The following MCTP1 variants were observed in gnomAD, a reference collection of about 807,000 sequenced individuals.
MCTP1 encodes multiple C2 and transmembrane domain containing 1, also known as multiple C2 and transmembrane domain-containing protein 1.
In MCTP1, 69 loss-of-function variants were observed where a neutral mutation model predicts 120.6. The ratio of observed to expected loss-of-function variants is 0.57; its 90% CI spans 0.47 to 0.70. The LOEUF is 0.70. Among genes scored for constraint, MCTP1 ranks in the 30% least tolerant of loss-of-function variants. The pLI, the probability that MCTP1 is intolerant of heterozygous loss-of-function variation, is 0.00. For synonymous variants in MCTP1, 529 were observed against 493.1 expected (o/e 1.07, Z -0.96); for missense variants, 1,203 against 1,248.8 (o/e 0.96, Z 0.55).
chr5:95,039,826 C>T (rs1370321275), intron 1 of MCTP1, among the ~76,000 whole-genome samples: 10 of 123,184 alleles, frequency 8.1e-5, no homozygotes, highest in African/African-American at 3.1e-4. Flanking sequence ...ATTCCAAAGA[C>T]ATTGCTAGAA....
At chr5:94,893,046 A>G (rs1803038336) in intron 11 of MCTP1, among the ~76,000 whole-genome samples, 1 of 152,230 alleles carries the variant, frequency 6.6e-6, no homozygotes. Context: ...ATATTTAAAC[A>G]TAGTTCATTT....
intron 19 of MCTP1, among the ~76,000 whole-genome samples, chr5:94,720,893 C>A (rs1684828266): frequency 6.6e-6 from 1 of 152,056 alleles, no homozygotes; most frequent in Admixed American, 6.5e-5. Context: ...TCTCATAATT[C>A]ATCCAATACT....
chr5:95,238,590 G>T (rs1450422491), intron 1 of MCTP1, among the ~76,000 whole-genome samples: 2 of 152,084 alleles, frequency 1.3e-5, no homozygotes, highest in African/African-American at 4.8e-5. Flanking sequence ...AGAGAGGTTG[G>T]ACCACAGGCA....
In MCTP1 at chr5:95,081,363, C is replaced by T. The variant is rs535556347; in HGVS notation, c.721-63879G>A. ...CATTTTTCTAAGGAACAATCATATA[C>T]CTAAACTGCCACATTAATTTAAGGC... On this transcript the variant is annotated intron_variant, in intron 1 of 22. Coordinates refer to ENST00000515393, the MANE Select transcript of MCTP1 (RefSeq NM_024717.7). 4.1e-5 allele frequency: 60 copies of T among 1,455,946 alleles called. No individual in the cohort carries two copies. The African/African-American group carries it at 7.9e-4, about 19-fold the overall frequency. 90.2% of individuals were successfully genotyped at this position (1,455,946 alleles called of 1,614,324 possible).
intron 1 of MCTP1, among the ~76,000 whole-genome samples, chr5:95,260,937 T>G (rs1228928576): frequency 6.6e-6 from 1 of 152,198 alleles, no homozygotes; most frequent in Non-Finnish European, 1.5e-5. Context: ...TTGGTTCAAT[T>G]CTTTGATTAC....
Position 94,940,086 on chromosome 5 carries a change from C to A in MCTP1, c.1171G>T (p.Val391Leu). The change falls in exon 5 of 23, where the codon GTG (valine) becomes TTG (leucine). Residue 391 changes from valine to leucine, a missense_variant and splice_region_variant. This residue lies in a region of MCTP1 where 740 missense variants were observed against 871.1 expected (regional missense o/e 0.85). Coordinates refer to ENST00000515393, the MANE Select transcript of MCTP1 (RefSeq NM_024717.7). Reference sequence around the variant, plus strand: ...TACTAGGCTGTGGGGGAACTTACCACATCCCTGGACTCTCCTTCTTTAGGG... The same window carrying A: ...TACTAGGCTGTGGGGGAACTTACCAAATCCCTGGACTCTCCTTCTTTAGGG... The part of the protein sequence containing the change: ...LTPKEGESRD[V>L]TMLMRKSWKR... 6.3e-7 allele frequency: 1 copy of A among 1,577,780 alleles called. No individual in the cohort carries two copies. Among genetic ancestry groups the A allele is most frequent in the East Asian group, 2.2e-5 (1 of 44,530 alleles).
chr5:94,738,163 C>G, intron 19 of MCTP1, among the ~76,000 whole-genome samples: 1 of 152,084 alleles, frequency 6.6e-6, no homozygotes, highest in South Asian at 2.1e-4. Flanking sequence ...TTATGGATAA[C>G]CCTCATCTTC....
chr5:94,846,533 G>GA (rs1341863000), intron 17 of MCTP1, among the ~76,000 whole-genome samples: 5 of 152,130 alleles, frequency 3.3e-5, no homozygotes, highest in Non-Finnish European at 7.4e-5. Context: ...GAAAGGATCA[G>GA]AAAAAATACC....
intron 17 of MCTP1, among the ~76,000 whole-genome samples, chr5:94,827,347 C>T (rs1787375346): frequency 6.6e-6 from 1 of 152,200 alleles, no homozygotes; most frequent in South Asian, 2.1e-4. Flanking sequence ...CACTGTTAGT[C>T]TGATAGGCTT....
Position 95,284,345 on chromosome 5 carries a change from C to T in MCTP1, c.231G>A (p.Arg77=), listed in dbSNP as rs912272567. 3.8e-6 allele frequency: 6 copies of T among 1,596,860 alleles called. No individual in the cohort carries two copies. Among genetic ancestry groups the T allele is most frequent in the Non-Finnish European group, 5.1e-6 (6 of 1,179,300 alleles). Reference sequence around the variant, plus strand: ...GCTTCCGCTTCTTGAAGCCGCTCCACCTGCTGCCTGCACCACTCCCCCTGG... The same window carrying T: ...GCTTCCGCTTCTTGAAGCCGCTCCATCTGCTGCCTGCACCACTCCCCCTGG... ...APARGSGAGS[R]WSGFKKRKQV... is the part of the protein sequence containing the mutation. Residue 77 remains arginine (R), a synonymous_variant, in exon 1 of 23, where the codon AGG becomes AGA. Transcript: ENST00000515393. The surrounding 1 kb of genome is among the most constrained non-coding windows in gnomAD (Gnocchi z 5.2).
At chr5:95,084,735 C>T (rs1411733224) in intron 1 of MCTP1, among the ~76,000 whole-genome samples, 1 of 152,078 alleles carries the variant, frequency 6.6e-6, no homozygotes, top group Non-Finnish European at 1.5e-5. Flanking sequence ...CTGAATTGGG[C>T]ATAACAATTG....
chr5:94,999,789 G>A (rs1329376018), intron 2 of MCTP1, among the ~76,000 whole-genome samples: 1 of 152,128 alleles, frequency 6.6e-6, no homozygotes, highest in Non-Finnish European at 1.5e-5. Flanking sequence ...ATGGCTTAAG[G>A]AGTCCCAGAC....
At chr5:95,223,462 TAAATA>T (rs779815514) in intron 1 of MCTP1, among the ~76,000 whole-genome samples, 37 of 151,828 alleles carry the variant, frequency 2.4e-4, no homozygotes, top group Non-Finnish European at 4.3e-4. Context: ...AAAACATAAA[TAAATA>T]AAATAAAATA....
At chr5:94,710,967 A>C in intron 20 of MCTP1, 40 bp from the exon 21 acceptor site, 1 of 1,358,370 alleles carries the variant, frequency 7.4e-7, no homozygotes, top group Non-Finnish European at 1.0e-6. Context: ...TGAGTACTTC[A>C]TACTTTTTTC....
At chr5:95,081,633 A>C in intron 1 of MCTP1, 1 of 1,340,846 alleles carries the variant, frequency 7.5e-7, no homozygotes, top group Non-Finnish European at 9.6e-7. Flanking sequence ...TCTGCACAGC[A>C]GCGACTTGGA....
At chr5:94,910,188 G>GAATA (rs1561843212) in intron 9 of MCTP1, among the ~76,000 whole-genome samples, 1 of 145,654 alleles carries the variant, frequency 6.9e-6, no homozygotes, top group Non-Finnish European at 1.5e-5. Context: ...ATGTATGTGT[G>GAATA]CATACATATA....
chr5:94,814,251 ATAAAAAGTGCTAAACT>A (rs1424522152), intron 17 of MCTP1, among the ~76,000 whole-genome samples: 1 of 152,238 alleles, frequency 6.6e-6, no homozygotes, highest in Non-Finnish European at 1.5e-5. Flanking sequence ...AAATAAATAA[ATAAAAAGTGCTAAACT>A]TTTGTGGGGG....
rs1753973836 is a variant in MCTP1, at chr5:94,703,871, T to G, written c.*3625A>C. 6.6e-6 allele frequency: 1 copy of G among 151,408 alleles called. No individual in the cohort carries two copies. The highest frequency in any genetic ancestry group is 6.6e-5 in the Admixed American group (1 of 15,138). 9.4% of individuals were successfully genotyped at this position (151,408 alleles called of 1,614,324 possible). On this transcript the variant is annotated 3_prime_UTR_variant, in exon 23 of 23. Transcript: ENST00000515393. The stretch of plus-strand genomic sequence containing the variant: ...GCATACTATTTTTTAATGAGATTTT[T>G]CAATAGTATTTCTCAAATTTTAGCC...
intron 1 of MCTP1, among the ~76,000 whole-genome samples, chr5:95,113,716 G>T (rs1489107412): frequency 6.6e-6 from 1 of 152,110 alleles, no homozygotes; most frequent in East Asian, 1.9e-4. Flanking sequence ...TAGGCCACAA[G>T]AACTACAACT....
Sources: allele counts gnomAD v4.1 joint callset (sites outside exome capture counted in the v4.1 genomes callset), GRCh38; gene constraint gnomAD v4.1.1; regional missense constraint gnomAD v4.1.1; non-coding constraint Gnocchi (gnomAD v3.1); transcripts MANE v1.5; gene names NCBI Gene and HGNC (gene_info 2026-07-23, HGNC 2026-07-21).